Variants in AGL observed in about 807,000 individuals in gnomAD.
AGL encodes the protein amylo-alpha-1,6-glucosidase and 4-alpha-glucanotransferase, also known as glycogen debranching enzyme.
Under a neutral mutation model 199.3 loss-of-function variants are expected in AGL, and 128 were observed. That is an observed-to-expected ratio of 0.64 (90% confidence interval 0.56 to 0.74). The LOEUF (loss-of-function observed/expected upper bound fraction) is 0.74. Among genes scored for constraint, AGL ranks in the 30% least tolerant of loss-of-function variants. AGL has a pLI of 0.00. For synonymous variants in AGL, 584 were observed against 594.7 expected (o/e 0.98, Z 0.26); for missense variants, 1,809 against 1,820.8 (o/e 0.99, Z 0.12).
At chr1:99,890,940 T>G (rs1652844742) in intron 21 of AGL, among the ~76,000 whole-genome samples, 1 of 152,144 alleles carries the variant, frequency 6.6e-6, no homozygotes, top group African/African-American at 2.4e-5. Flanking sequence ...TCCAAAAGAA[T>G]AAGACCAGTC....
rs770146529 is a variant in AGL at position 99,912,433 on chromosome 1, C to A, written c.3865C>A (p.Leu1289Met). Residue 1289 changes from leucine (L) to methionine (M), a missense_variant, in exon 29 of 34, where the codon CTG becomes ATG. Leu to Met is a conservative substitution (Grantham distance 15). Transcript: ENST00000361915. ...RDGSAVEIVGLSKSAVRWLLE... is the reference protein window; with the variant it reads ...RDGSAVEIVGMSKSAVRWLLE... Reference sequence around the variant, plus strand: ...TGGGTCTGCTGTGGAAATTGTGGGCCTGAGTAAATCTGCTGTTCGCTGGTT... The same window carrying A: ...TGGGTCTGCTGTGGAAATTGTGGGCATGAGTAAATCTGCTGTTCGCTGGTT... 1 of 1,613,880 alleles carries A rather than the reference C, an allele frequency of 6.2e-7. No individual in the cohort carries two copies. The highest frequency in any genetic ancestry group is 1.3e-5 in the African/African-American group (1 of 74,972).
intron 20 of AGL, among the ~76,000 whole-genome samples, chr1:99,887,214 A>G (rs1434289789): frequency 6.6e-6 from 1 of 152,230 alleles, no homozygotes; most frequent in African/African-American, 2.4e-5. Context: ...GTCATGTAAA[A>G]TGAAATTACC....
intron 12 of AGL, 77 bp from the exon 13 acceptor site, chr1:99,879,846 T>C (rs1651861262): frequency 1.6e-6 from 2 of 1,222,348 alleles, no homozygotes; most frequent in Non-Finnish European, 2.4e-6. Flanking sequence ...CCTCCTTTTG[T>C]CTCTTTCCTT....
At chr1:99,876,001 A>G (rs1651497496) in intron 10 of AGL, among the ~76,000 whole-genome samples, 1 of 152,160 alleles carries the variant, frequency 6.6e-6, no homozygotes, top group Non-Finnish European at 1.5e-5. Flanking sequence ...CAGCCTCCCA[A>G]GTAGCCAGGA....
intron 27 of AGL, among the ~76,000 whole-genome samples, chr1:99,906,574 G>T (rs1654311393): frequency 6.6e-6 from 1 of 152,078 alleles, no homozygotes; most frequent in South Asian, 2.1e-4. Flanking sequence ...CCACCTGTCT[G>T]CTTTCTGTCC....
Position 99,875,175 on chromosome 1 carries a change from A to G in AGL, c.1104A>G (p.Glu368=), listed in dbSNP as rs1316032812. 2 of 1,614,074 alleles carry G rather than the reference A, an allele frequency of 1.2e-6. No individual in the cohort carries two copies. The highest frequency in any genetic ancestry group is 4.5e-5 in the East Asian group (2 of 44,866). ...CTAGCAAGGGGCCAGCAGCAATTGAAGAATGCTGTAATTGGTTTCATAAAA... is the reference window on the plus strand; with the variant it reads ...CTAGCAAGGGGCCAGCAGCAATTGAGGAATGCTGTAATTGGTTTCATAAAA... ...IPHDKGPAAI[E]ECCNWFHKRM... is the part of the protein sequence containing the mutation. The change falls in exon 9 of 34, where the codon GAA becomes GAG. Residue 368 remains glutamate (E), a synonymous_variant. Coordinates refer to ENST00000361915, the MANE Select transcript of AGL (RefSeq NM_000642.3).
intron 27 of AGL, among the ~76,000 whole-genome samples, chr1:99,904,177 T>A (rs1379582886): frequency 1.3e-5 from 2 of 152,216 alleles, no homozygotes; most frequent in Non-Finnish European, 2.9e-5. Context: ...GAGTTCACCA[T>A]ATTCGTCATC....
chr1:99,876,485 A>T lies in AGL; in HGVS notation c.1311A>T (p.Ile437=). The T allele has an allele frequency of 3.7e-6, 6 of 1,607,982 alleles. No individual in the cohort carries two copies. Among genetic ancestry groups the T allele is most frequent in the Non-Finnish European group, 5.1e-6 (6 of 1,174,476 alleles). ...TRYFTFPFEE[I]DFSMEESMIH... ...ATTTTACTTTCCCATTTGAAGAGAT[A>T]GACTTCTCCATGGAAGAATCTATGA... is the stretch of plus-strand genomic sequence containing the variant. The change falls in exon 11 of 34, where the codon ATA becomes ATT. Residue 437 remains isoleucine (I), a synonymous_variant. Transcript: ENST00000361915.
At chr1:99,875,128 T>G (rs759974189) in intron 8 of AGL, 26 bp from the exon 9 acceptor site, 1 of 1,579,652 alleles carries the variant, frequency 6.3e-7, no homozygotes, top group Non-Finnish European at 8.7e-7. Flanking sequence ...TTAAATATTA[T>G]ATCTGCATTT....
At chr1:99,901,672 T>G (rs1265447130) in intron 26 of AGL, among the ~76,000 whole-genome samples, 12 of 150,206 alleles carry the variant, frequency 8.0e-5, no homozygotes, top group Admixed American at 6.6e-4. Flanking sequence ...TTTTTGAGTG[T>G]TTTTTTTTCC....
intron 2 of AGL, among the ~76,000 whole-genome samples, chr1:99,858,058 T>G (rs1649719076): frequency 6.6e-6 from 1 of 152,226 alleles, no homozygotes; most frequent in African/African-American, 2.4e-5. Context: ...CTCATTTGTT[T>G]GCAGTATGTT....
intron 3 of AGL, 36 bp from the exon 4 acceptor site, chr1:99,862,221 C>G: frequency 6.2e-7 from 1 of 1,608,002 alleles, no homozygotes; most frequent in Non-Finnish European, 8.5e-7. Flanking sequence ...TTTTCTATCA[C>G]TGACTGAAAA....
chr1:99,863,673 TCTC>T (rs1403967340), intron 4 of AGL, among the ~76,000 whole-genome samples: 1 of 151,464 alleles, frequency 6.6e-6, no homozygotes, highest in African/African-American at 2.4e-5. Context: ...ATGGTCTCGA[TCTC>T]CTGACCTCAT....
chr1:99,859,670 G>GAGT (rs752918004), intron 2 of AGL, among the ~76,000 whole-genome samples: 7 of 152,078 alleles, frequency 4.6e-5, no homozygotes, highest in Non-Finnish European at 1.0e-4. Context: ...CCAGCCTCCT[G>GAGT]AGTAGTTGGG....
rs192743257 is a variant in AGL at position 99,867,548 on chromosome 1, T to A, written c.665-2852T>A. On this transcript the variant is annotated intron_variant, in intron 5 of 33. Coordinates refer to ENST00000361915, the MANE Select transcript of AGL (RefSeq NM_000642.3). ...CTGTCTTGCAGAAGTTCTTTTTTTT[T>A]AATTTTTTTTTCTCTTTTTTTTTTT... Among the ~76,000 whole-genome samples, 18 of 152,100 alleles carry A rather than the reference T, an allele frequency of 1.2e-4. No homozygotes were observed. In the South Asian group the frequency reaches 1.2e-3, roughly 11 times the overall value.
intron 5 of AGL, among the ~76,000 whole-genome samples, chr1:99,868,938 C>G (rs1650761450): frequency 6.6e-6 from 1 of 151,850 alleles, no homozygotes; most frequent in Non-Finnish European, 1.5e-5. Flanking sequence ...AGCCCTCCCA[C>G]CTTAGCCTCC....
intron 13 of AGL, among the ~76,000 whole-genome samples, chr1:99,880,332 ATCT>A (rs1651908442): frequency 6.6e-6 from 1 of 152,208 alleles, no homozygotes; most frequent in African/African-American, 2.4e-5. Flanking sequence ...CCTGTTTTTC[ATCT>A]TCTACTGGGA....
chr1:99,862,468 T>A (rs747253162), intron 4 of AGL, 45 bp downstream of exon 4: 5 of 1,594,652 alleles, frequency 3.1e-6, no homozygotes, highest in Middle Eastern at 1.7e-4. Flanking sequence ...AAAATAAATG[T>A]AATTATCCTC....
At chr1:99,864,683 A>C (rs1336705135) in intron 5 of AGL, 94 bp downstream of exon 5, 1 of 1,096,738 alleles carries the variant, frequency 9.1e-7, no homozygotes, top group Admixed American at 2.0e-5. Flanking sequence ...AAAGAAAGAG[A>C]AAGGAAAGGG....
Sources: allele counts gnomAD v4.1 joint callset (sites outside exome capture counted in the v4.1 genomes callset), GRCh38; gene constraint gnomAD v4.1.1; transcripts MANE v1.5; gene names NCBI Gene and HGNC (gene_info 2026-07-23, HGNC 2026-07-21).